MAST2: variants seen among roughly 807,000 people sequenced by gnomAD.
MAST2 encodes microtubule associated serine/threonine kinase 2, also known as microtubule-associated serine/threonine-protein kinase 2.
A neutral mutation model predicts 147.4 loss-of-function variants in MAST2; 70 were observed. The ratio of observed to expected loss-of-function variants is 0.47; its 90% CI spans 0.39 to 0.58. MAST2 has a LOEUF of 0.58. Among genes scored for constraint, MAST2 ranks in the 20% least tolerant of loss-of-function variants. The probability of loss-of-function intolerance (pLI) is 0.00; values close to 1 mark genes in which losing one functional copy is unlikely to be tolerated. For synonymous variants in MAST2, 869 were observed against 896.8 expected, an observed-to-expected ratio of 0.97 and a Z score of 0.55; for missense variants, 2,080 against 2,302.3, an observed-to-expected ratio of 0.90 and a Z score of 1.98.
intron 9 of MAST2, among the ~76,000 whole-genome samples, chr1:46,008,921 T>A (rs1292090002): frequency 6.6e-6 from 1 of 152,202 alleles, no homozygotes; most frequent in African/African-American, 2.4e-5. Flanking sequence ...TGAATTTTCA[T>A]TTTCAAGCAG....
At chr1:45,978,602 T>C (rs2149040610) in intron 5 of MAST2, among the ~76,000 whole-genome samples, 1 of 152,270 alleles carries the variant, frequency 6.6e-6, no homozygotes, top group East Asian at 1.9e-4. Context: ...AAACCAAGTA[T>C]AGATGAGTAT....
intron 4 of MAST2, among the ~76,000 whole-genome samples, chr1:45,919,895 T>C (rs1653178643): frequency 6.6e-6 from 1 of 152,174 alleles, no homozygotes; most frequent in South Asian, 2.1e-4. Flanking sequence ...TGCCAGTTCA[T>C]TGATATGACA....
chr1:45,956,019 C>T (rs955971203), intron 4 of MAST2, among the ~76,000 whole-genome samples: 3 of 152,112 alleles, frequency 2.0e-5, no homozygotes, highest in African/African-American at 7.2e-5. Flanking sequence ...ATAATCCATT[C>T]CTTGCTTCTC....
Position 46,006,830 on chromosome 1 carries a change from T to A in MAST2, c.902+435T>A, listed in dbSNP as rs543160898. 3.3e-5 allele frequency among the ~76,000 whole-genome samples: 5 copies of A among 152,280 alleles called. No individual in the cohort carries two copies. The South Asian group carries it at 1.0e-3, about 32-fold the overall frequency. On this transcript the variant is annotated intron_variant, in intron 8 of 28. Coordinates refer to ENST00000361297, the MANE Select transcript of MAST2 (RefSeq NM_015112.3). ...CAGCAGAAATATACTTTAGATTACATCTGGTAAAAGGAGAACAATGGTATC... is the reference window on the plus strand; with the variant it reads ...CAGCAGAAATATACTTTAGATTACAACTGGTAAAAGGAGAACAATGGTATC...
chr1:45,935,936 C>T (rs1282021888), intron 4 of MAST2, among the ~76,000 whole-genome samples: 3 of 152,134 alleles, frequency 2.0e-5, no homozygotes, highest in Non-Finnish European at 4.4e-5. Context: ...TGAAAAACGT[C>T]GTTGGTAGTT....
Position 46,006,345 on chromosome 1 carries a change from TG to T in MAST2, c.853del (p.Glu285ArgfsTer29). 1.2e-6 allele frequency: 2 copies of T among 1,613,852 alleles called. No individual in the cohort carries two copies. The highest frequency in any genetic ancestry group is 1.7e-6 in the Non-Finnish European group (2 of 1,179,844). ...KHFSTESVPD[E>X]EGRQSPAMRP... ...ATTTCAGCACAGAGAGCGTACCAGA[TG>T]AGGAAGGACGGCAGTCCCCAGCCAT... is the stretch of plus-strand genomic sequence containing the variant. On this transcript the variant is annotated frameshift_variant, in exon 8 of 29. Transcript: ENST00000361297. LOFTEE classifies it high-confidence loss of function.
chr1:45,835,265 T>G (rs954754210), intron 3 of MAST2, among the ~76,000 whole-genome samples: 2 of 152,096 alleles, frequency 1.3e-5, no homozygotes, highest in Admixed American at 1.3e-4. Flanking sequence ...AACAAAGTTA[T>G]CAGGAAAGTA....
At chr1:45,927,719 GC>G (rs1446115080) in intron 4 of MAST2, among the ~76,000 whole-genome samples, 20 of 152,310 alleles carry the variant, frequency 1.3e-4, no homozygotes, top group Middle Eastern at 3.4e-3. Context: ...TGGTCCTGAA[GC>G]GACATGCATC....
intron 1 of MAST2, among the ~76,000 whole-genome samples, chr1:45,808,576 T>A (rs1644206785): frequency 6.6e-6 from 1 of 152,220 alleles, no homozygotes; most frequent in Admixed American, 6.6e-5. Flanking sequence ...GTTCTCTCGA[T>A]TCTGCCTTCA....
At chr1:46,012,784 C>G (rs1645767784) in intron 10 of MAST2, among the ~76,000 whole-genome samples, 1 of 151,990 alleles carries the variant, frequency 6.6e-6, no homozygotes, top group South Asian at 2.1e-4. Context: ...CACTTGAGCC[C>G]AGGAGCTTGA....
chr1:45,903,711 G>A (rs543130796), intron 4 of MAST2, among the ~76,000 whole-genome samples: 9 of 152,216 alleles, frequency 5.9e-5, no homozygotes, highest in Admixed American at 2.6e-4. Context: ...CTTTATGACC[G>A]AACATGTGGT....
intron 10 of MAST2, 88 bp from the exon 11 acceptor site, chr1:46,019,508 C>T: frequency 9.9e-7 from 1 of 1,007,410 alleles, no homozygotes; most frequent in Non-Finnish European, 1.5e-6. Context: ...CGAATTGTTT[C>T]TCCCTGGAGT....
intron 18 of MAST2, 137 bp downstream of exon 18, chr1:46,029,070 A>G: frequency 1.0e-6 from 1 of 1,002,120 alleles, no homozygotes; most frequent in South Asian, 1.7e-5. Flanking sequence ...TGCTTTGGGG[A>G]TGGGTGTCTC....
chr1:46,035,055 G>C lies in MAST2; in HGVS notation c.4386G>C (p.Gly1462=). 6.2e-7 allele frequency: 1 copy of C among 1,613,838 alleles called. No homozygotes were observed. Among genetic ancestry groups the C allele is most frequent in the Non-Finnish European group, 8.5e-7 (1 of 1,179,980 alleles). Residue 1462 remains glycine (G), a synonymous_variant, in exon 29 of 29, where the codon GGG becomes GGC. Coordinates refer to ENST00000361297, the MANE Select transcript of MAST2 (RefSeq NM_015112.3). The surrounding 1 kb of genome is among the most constrained non-coding windows in gnomAD (Gnocchi z 5.5). ...CCAGGAGTGTGCTGTCTGGCAAGGG[G>C]GCCCTGCCAGGGAAGGGGGTGCTGC... ...VGARSVLSGK[G]ALPGKGVLQP...
At chr1:46,006,218 C>T in intron 7 of MAST2, 23 bp from the exon 8 acceptor site, 2 of 1,602,052 alleles carry the variant, frequency 1.2e-6, no homozygotes, top group Non-Finnish European at 1.7e-6. Context: ...TTTAATGCCA[C>T]TTCTTAATGT....
rs1644610607 is a variant in MAST2, at chr1:45,821,020, C to A, written c.178-3413C>A. 3.3e-5 allele frequency among the ~76,000 whole-genome samples: 5 copies of A among 150,770 alleles called. No individual in the cohort carries two copies. In the Admixed American group the frequency reaches 3.3e-4, roughly 10 times the overall value. ...GCTCAAGCAATTTTCTTGCCTCATC[C>A]TCCTGAGTAGCTGGGACCACAGGTA... On this transcript the variant is annotated intron_variant, in intron 1 of 28. Coordinates refer to ENST00000361297, the MANE Select transcript of MAST2 (RefSeq NM_015112.3).
chr1:45,920,344 T>G (rs999780247), intron 4 of MAST2, among the ~76,000 whole-genome samples: 2 of 152,186 alleles, frequency 1.3e-5, no homozygotes, highest in Non-Finnish European at 2.9e-5. Flanking sequence ...CTCCCCAAGT[T>G]CTCAACTCTG....
intron 3 of MAST2, among the ~76,000 whole-genome samples, chr1:45,862,380 A>G (rs909761374): frequency 1.3e-5 from 2 of 152,214 alleles, no homozygotes; most frequent in East Asian, 3.8e-4. Flanking sequence ...GTTAAGTTAC[A>G]ATAAGGTACT....
chr1:45,979,204 T>C (rs1429627578), intron 5 of MAST2, among the ~76,000 whole-genome samples: 2 of 152,204 alleles, frequency 1.3e-5, no homozygotes, highest in African/African-American at 4.8e-5. Flanking sequence ...AGATGGTGTT[T>C]ACACAGGTGC....
Sources: allele counts gnomAD v4.1 joint callset (sites outside exome capture counted in the v4.1 genomes callset), GRCh38; gene constraint gnomAD v4.1.1; non-coding constraint Gnocchi (gnomAD v3.1); transcripts MANE v1.5; gene names NCBI Gene and HGNC (gene_info 2026-07-23, HGNC 2026-07-21).